CCDC196: variants seen among roughly 807,000 people sequenced by gnomAD.
CCDC196 encodes the protein coiled-coil domain containing 196.
intron 8 of CCDC196, among the ~76,000 whole-genome samples, chr14:66,497,299 G>T (rs7159796): frequency 1.3e-5 from 2 of 151,904 alleles, no homozygotes; most frequent in African/African-American, 4.8e-5. Context: ...AAATTCAGGG[G>T]GAGAATAAAA....
chr14:66,496,671 G>T (rs2057674691), intron 8 of CCDC196: 1 of 182,442 alleles, frequency 5.5e-6, no homozygotes, highest in Non-Finnish European at 1.2e-5. Context: ...GAGAGCACAG[G>T]TGCTAAGCAA....
chr14:66,498,452 G>C lies in CCDC196; in HGVS notation c.874G>C (p.Asp292His), dbSNP rs1337109376. The C allele has an allele frequency of 4.8e-6, 2 of 413,452 alleles. No individual in the cohort carries two copies. Among genetic ancestry groups the C allele is most frequent in the Non-Finnish European group, 8.9e-6 (2 of 225,870 alleles). 25.6% of individuals were successfully genotyped at this position (413,452 alleles called of 1,614,324 possible). Residue 292 changes from aspartate to histidine, a missense_variant, in exon 10 of 10, where the codon GAT becomes CAT. Physicochemically the swap from Asp to His is moderately conservative, Grantham distance 81. Transcript: ENST00000636229. ...GRLFFLRSLPDEALKN is the reference protein window; with the variant it reads ...GRLFFLRSLPHEALKN ...ACTCTTTTTTCTGAGGTCATTGCCAGATGAAGCACTGAAGAATTAGCAGGC... is the reference window on the plus strand; with the variant it reads ...ACTCTTTTTTCTGAGGTCATTGCCACATGAAGCACTGAAGAATTAGCAGGC...
chr14:66,490,862 T>C (rs2057519283), intron 5 of CCDC196, 43 bp downstream of exon 5: 6 of 404,170 alleles, frequency 1.5e-5, no homozygotes, highest in Non-Finnish European at 2.7e-5. Flanking sequence ...ATTGTCGATG[T>C]CACACAGCTG....
chr14:66,492,517 T>C, intron 8 of CCDC196, among the ~76,000 whole-genome samples: 1 of 151,982 alleles, frequency 6.6e-6, no homozygotes, highest in East Asian at 1.9e-4. Flanking sequence ...AATTTTTGTA[T>C]TTTTAGTAGA....
chr14:66,491,324 C>T (rs1230833725), intron 6 of CCDC196, among the ~76,000 whole-genome samples: 1 of 152,166 alleles, frequency 6.6e-6, no homozygotes, highest in East Asian at 1.9e-4. Flanking sequence ...ACAATGATAA[C>T]TCTGCAACAG....
At position 66,498,090 on chromosome 14, in the gene CCDC196, T is replaced by G. The variant is rs1454458940; in HGVS notation, c.716-19T>G. 31 of 412,132 alleles carry G rather than the reference T, an allele frequency of 7.5e-5. 1 individual carries two copies. The East Asian group carries it at 1.1e-3, about 14-fold the overall frequency. The allele number at this position is 412,132 out of a possible 1,614,324, so 25.5% of individuals were successfully genotyped here. ...TCCCCCTCAAAAGAAGCTCTTATTT[T>G]CCTAATGTTTCCCCTTAGGTACTAT... is the stretch of plus-strand genomic sequence containing the variant. On this transcript the variant is annotated intron_variant, in intron 8 of 9. Transcript: ENST00000636229.
At chr14:66,487,695 C>G (rs2139575502) in intron 2 of CCDC196, among the ~76,000 whole-genome samples, 1 of 152,216 alleles carries the variant, frequency 6.6e-6, no homozygotes, top group Admixed American at 6.5e-5. Context: ...CAGTGACTTC[C>G]CCAATAGACT....
intron 2 of CCDC196, among the ~76,000 whole-genome samples, chr14:66,487,792 C>T (rs1466619579): frequency 6.6e-6 from 1 of 152,090 alleles, no homozygotes; most frequent in African/African-American, 2.4e-5. Context: ...GGGATTTATC[C>T]TAGAAGATAG....
intron 8 of CCDC196, chr14:66,496,635 G>A (rs2057673451): frequency 4.0e-6 from 1 of 250,206 alleles, no homozygotes; most frequent in Admixed American, 4.6e-5. Context: ...AGGCAAGTTT[G>A]TGGACTTTGG....
chr14:66,498,256 C>T, intron 9 of CCDC196, 89 bp downstream of exon 9: 1 of 412,588 alleles, frequency 2.4e-6, no homozygotes, highest in Non-Finnish European at 4.4e-6. Flanking sequence ...CATTGCTTAA[C>T]ATATATTCTA....
intron 8 of CCDC196, chr14:66,493,879 G>A (rs1343199215): frequency 1.3e-5 from 2 of 152,224 alleles, no homozygotes; most frequent in Non-Finnish European, 2.9e-5. Flanking sequence ...TTATGAGGAA[G>A]ACAGACAAGT....
At chr14:66,494,332 T>C (rs1459749842) in intron 8 of CCDC196, among the ~76,000 whole-genome samples, 1 of 152,226 alleles carries the variant, frequency 6.6e-6, no homozygotes, top group Non-Finnish European at 1.5e-5. Flanking sequence ...TATATTTTGG[T>C]TATGTGGCCT....
In CCDC196 at chr14:66,490,074, G is replaced by C. The variant is rs1368664378; in HGVS notation, c.352-668G>C. ...AGCCCTGCATCTTGTATTGAGATCT[G>C]CTCCAGGTTCTCGTGGGCAGTTACA... On this transcript the variant is annotated intron_variant, in intron 4 of 9. Coordinates refer to ENST00000636229, the MANE Select transcript of CCDC196 (RefSeq NM_001351576.1). 2.0e-5 allele frequency among the ~76,000 whole-genome samples: 3 copies of C among 152,052 alleles called. No homozygotes were observed. The South Asian group carries it at 6.2e-4, about 32-fold the overall frequency.
At chr14:66,496,529 G>C (rs1002955668) in intron 8 of CCDC196, among the ~76,000 whole-genome samples, 1 of 152,182 alleles carries the variant, frequency 6.6e-6, no homozygotes, top group African/African-American at 2.4e-5. Context: ...TCCGGAGACA[G>C]GTGACATTTG....
chr14:66,493,016 T>C (rs1392586425), intron 8 of CCDC196: 1 of 152,350 alleles, frequency 6.6e-6, no homozygotes, highest in Non-Finnish European at 1.5e-5. Context: ...AATATAGAGA[T>C]GGCTCTGAGG....
intron 5 of CCDC196, 38 bp downstream of exon 5, chr14:66,490,857 C>T (rs901097109): frequency 5.0e-6 from 2 of 402,894 alleles, no homozygotes; most frequent in South Asian, 1.3e-4. Context: ...TCAAGATTGT[C>T]GATGTCACAC....
rs1331650483 is a variant in CCDC196 at position 66,490,818 on chromosome 14, A to G, written c.428A>G (p.Lys143Arg). 1 of 399,890 alleles carries G rather than the reference A, an allele frequency of 2.5e-6. No individual in the cohort carries two copies. Among genetic ancestry groups the G allele is most frequent in the African/African-American group, 2.1e-5 (1 of 48,650 alleles). The allele number at this position is 399,890 out of a possible 1,614,324, so 24.8% of individuals were successfully genotyped here. ...AACAAGGCAGACTTGCAGGATGGAA[A>G]GGCAAGTGGACTGCATGTACTTAAA... ...TKNKADLQDG[K>R]APKSPSSPRK... is the part of the protein sequence containing the mutation. Residue 143 changes from lysine to arginine, a missense_variant and splice_region_variant, in exon 5 of 10, where the codon AAG becomes AGG. By Grantham distance (26) the Lys-to-Arg change is conservative. Coordinates refer to ENST00000636229, the MANE Select transcript of CCDC196 (RefSeq NM_001351576.1).
intron 8 of CCDC196, among the ~76,000 whole-genome samples, chr14:66,494,169 C>T (rs2057608358): frequency 6.6e-6 from 1 of 152,200 alleles, no homozygotes; most frequent in Admixed American, 6.5e-5. Context: ...TTAGTTACCA[C>T]AAATTAATGT....
chr14:66,494,099 T>G (rs574706407), intron 8 of CCDC196, among the ~76,000 whole-genome samples: 3 of 152,348 alleles, frequency 2.0e-5, no homozygotes, highest in African/African-American at 7.2e-5. Context: ...GATCCACATC[T>G]TCTTTTCTCT....
Sources: gnomAD v4.1 joint callset for allele counts (sites outside exome capture counted in the v4.1 genomes callset) on GRCh38, gnomAD v4.1.1 for gene constraint, MANE v1.5 for transcripts, NCBI Gene and HGNC (gene_info 2026-07-23, HGNC 2026-07-21) for gene names.